The following KDELR2 variants were observed in gnomAD, a reference collection of about 807,000 sequenced individuals.
KDELR2 encodes the protein KDEL endoplasmic reticulum protein retention receptor 2, also known as ER lumen protein-retaining receptor 2.
In KDELR2, 15 loss-of-function variants were observed where a neutral mutation model predicts 23.9. The observed-to-expected ratio is 0.63, with a 90% CI of 0.42 to 0.97. The LOEUF is 0.97. Among genes scored for constraint, KDELR2 ranks in the 50% least tolerant of loss-of-function variants. The pLI is 0.00. For synonymous variants in KDELR2, 119 were observed against 106.2 expected (o/e 1.12, Z -0.74); for missense variants, 272 against 254.6 (o/e 1.07, Z -0.46).
chr7:6,477,558 A>G (rs1342168919), intron 1 of KDELR2, among the ~76,000 whole-genome samples: 2 of 152,236 alleles, frequency 1.3e-5, no homozygotes, highest in Non-Finnish European at 2.9e-5. Context: ...CTTACCAAAT[A>G]CACCAAACAT....
In KDELR2 at chr7:6,474,348, C is replaced by A. The variant is rs559890238; in HGVS notation, c.92-64G>T. ...AGCTTTGGGATTCCTGTGGATCACA[C>A]TGTGCAGGGAGTGCAGACAGGGAAG... On this transcript the variant is annotated intron_variant, in intron 1 of 4. Transcript: ENST00000258739. The A allele has an allele frequency of 3.5e-6, 4 of 1,137,322 alleles. No individual in the cohort carries two copies. The South Asian group carries it at 4.9e-5, about 14-fold the overall frequency. 70.5% of individuals were successfully genotyped at this position (1,137,322 alleles called of 1,614,324 possible). A position where few individuals can be genotyped will look rare whatever the true frequency, so the allele number is the denominator to read the frequency against.
At chr7:6,481,651 T>C (rs1785894359) in intron 1 of KDELR2, among the ~76,000 whole-genome samples, 1 of 151,920 alleles carries the variant, frequency 6.6e-6, no homozygotes, top group East Asian at 1.9e-4. Context: ...GCCCAGGAGT[T>C]TGGGGCTGTA....
intron 2 of KDELR2, among the ~76,000 whole-genome samples, chr7:6,472,174 A>C (rs1347194325): frequency 2.6e-5 from 4 of 152,148 alleles, no homozygotes; most frequent in Non-Finnish European, 5.9e-5. Context: ...AACAAGACAC[A>C]CATCCATCTA....
chr7:6,468,905 T>C (rs1243481484), intron 3 of KDELR2, among the ~76,000 whole-genome samples: 1 of 151,996 alleles, frequency 6.6e-6, no homozygotes. Context: ...CCTCCCAAAA[T>C]GCTGTGATTA....
chr7:6,469,564 A>G (rs770962935), intron 3 of KDELR2, 32 bp downstream of exon 3: 6 of 1,602,502 alleles, frequency 3.7e-6, no homozygotes, highest in African/African-American at 2.7e-5. Context: ...ATGAGCCACC[A>G]TGCCTGGCCC....
At chr7:6,480,124 G>T (rs190479768) in intron 1 of KDELR2, among the ~76,000 whole-genome samples, 21 of 152,330 alleles carry the variant, frequency 1.4e-4, no homozygotes, top group Non-Finnish European at 2.1e-4. Flanking sequence ...AGACAGACTA[G>T]AGGGGGAAGG....
At chr7:6,481,669 G>A (rs111818780) in intron 1 of KDELR2, among the ~76,000 whole-genome samples, 23,041 of 152,058 alleles carry the variant, frequency 0.15, 2,054 homozygotes, top group Non-Finnish European at 0.2. Context: ...GTAGTGAGCC[G>A]TGACACAGCC....
At chr7:6,475,422 T>A (rs1245181530) in intron 1 of KDELR2, among the ~76,000 whole-genome samples, 3 of 152,152 alleles carry the variant, frequency 2.0e-5, no homozygotes, top group Non-Finnish European at 4.4e-5. Context: ...CAAGACCCTG[T>A]CTCAAAAAAT....
Position 6,482,532 on chromosome 7 carries a change from C to G in KDELR2, c.91+1435G>C, listed in dbSNP as rs142304739. 1.8e-3 allele frequency: 863 copies of G among 469,878 alleles called. 5 individuals are homozygous for G. The highest frequency in any genetic ancestry group is 0.016 in the African/African-American group (808 of 50,108). 29.1% of individuals were successfully genotyped at this position (469,878 alleles called of 1,614,324 possible). On this transcript the variant is annotated intron_variant, in intron 1 of 4. Coordinates refer to ENST00000258739, the MANE Select transcript of KDELR2 (RefSeq NM_006854.4). ...ACACCCATCTTAACTGTTCAAAGGTCTTTTTGGTTTTGCTTACTTCCCGGA... is the reference window on the plus strand; with the variant it reads ...ACACCCATCTTAACTGTTCAAAGGTGTTTTTGGTTTTGCTTACTTCCCGGA...
At chr7:6,463,263 A>C (rs1785426808) in intron 4 of KDELR2, 88 bp from the exon 5 acceptor site, 1 of 1,008,110 alleles carries the variant, frequency 9.9e-7, no homozygotes, top group Non-Finnish European at 1.5e-6. Flanking sequence ...GAAGTCTCCC[A>C]CACACAAGAT....
intron 1 of KDELR2, among the ~76,000 whole-genome samples, chr7:6,475,787 C>T (rs1785737630): frequency 6.6e-6 from 1 of 152,318 alleles, no homozygotes; most frequent in Middle Eastern, 3.4e-3. Flanking sequence ...ATGTCAGAAC[C>T]CACCCACCCT....
chr7:6,480,663 T>G (rs1256381733), intron 1 of KDELR2, among the ~76,000 whole-genome samples: 1 of 152,110 alleles, frequency 6.6e-6, no homozygotes, highest in Non-Finnish European at 1.5e-5. Context: ...AGTGCTAAAA[T>G]CCTAAAAATG....
chr7:6,467,763 AAAAAG>A (rs1340509198), intron 3 of KDELR2, among the ~76,000 whole-genome samples: 1 of 152,252 alleles, frequency 6.6e-6, no homozygotes, highest in African/African-American at 2.4e-5. Context: ...TGTCTCAAAA[AAAAAG>A]AAAAGTCCAG....
chr7:6,465,416 C>G (rs573297561), intron 4 of KDELR2, among the ~76,000 whole-genome samples: 1 of 151,946 alleles, frequency 6.6e-6, no homozygotes, highest in East Asian at 1.9e-4. Flanking sequence ...ATCTCCTGAC[C>G]TCATGATCCG....
At chr7:6,479,344 A>G (rs1785833992) in intron 1 of KDELR2, among the ~76,000 whole-genome samples, 1 of 151,836 alleles carries the variant, frequency 6.6e-6, no homozygotes, top group African/African-American at 2.4e-5. Flanking sequence ...TGGTAGAGAC[A>G]GGGTTTCACC....
At chr7:6,481,911 C>G (rs1360953502) in intron 1 of KDELR2, among the ~76,000 whole-genome samples, 1 of 152,132 alleles carries the variant, frequency 6.6e-6, no homozygotes, top group Admixed American at 6.6e-5. Flanking sequence ...ATTCCACTCC[C>G]TAAGACTCAG....
In KDELR2 at chr7:6,469,652, C is replaced by G. The variant is rs769863156; in HGVS notation, c.295G>C (p.Val99Leu). ...AATGAGAGGCCTCCCACAGGGACCACCAGAAACTCCACTCGGAAGGTATCA... is the reference window on the plus strand; with the variant it reads ...AATGAGAGGCCTCCCACAGGGACCAGCAGAAACTCCACTCGGAAGGTATCA... ...NHDTFRVEFL[V>L]VPVGGLSFLV... The change falls in exon 3 of 5, where the codon GTG becomes CTG. Residue 99 changes from valine to leucine, a missense_variant. By Grantham distance (32) the Val-to-Leu change is conservative (BLOSUM62 1). Transcript: ENST00000258739. 6.8e-6 allele frequency: 11 copies of G among 1,614,104 alleles called. No individual in the cohort carries two copies. Among genetic ancestry groups the G allele is most frequent in the Non-Finnish European group, 8.5e-6 (10 of 1,179,990 alleles).
chr7:6,471,475 C>T (rs1032916525), intron 2 of KDELR2, among the ~76,000 whole-genome samples: 8 of 151,982 alleles, frequency 5.3e-5, no homozygotes, highest in African/African-American at 7.3e-5. Flanking sequence ...CCACAGCACC[C>T]GGCCTGTTTT....
In KDELR2 at chr7:6,476,811, T is replaced by C. The variant is rs553040638; in HGVS notation, c.92-2527A>G. On this transcript the variant is annotated intron_variant, in intron 1 of 4. Coordinates refer to ENST00000258739, the MANE Select transcript of KDELR2 (RefSeq NM_006854.4). ...ATGCCAGCTGCTGCCCTAGCTCCAA[T>C]TACAGTACTTATAAAAATACACTGT... 7.2e-5 allele frequency among the ~76,000 whole-genome samples: 11 copies of C among 152,238 alleles called. No homozygotes were observed. In the South Asian group the frequency reaches 2.1e-3, roughly 29 times the overall value.
Sources: allele counts gnomAD v4.1 joint callset (sites outside exome capture counted in the v4.1 genomes callset), GRCh38; gene constraint gnomAD v4.1.1; transcripts MANE v1.5; gene names NCBI Gene and HGNC (gene_info 2026-07-23, HGNC 2026-07-21).